ABLIM3: variants seen among roughly 807,000 people sequenced by gnomAD.
The protein encoded by ABLIM3 is actin-binding LIM protein 3.
A neutral mutation model predicts 109.5 loss-of-function variants in ABLIM3; 61 were observed. The ratio of observed to expected loss-of-function variants is 0.56; its 90% CI spans 0.45 to 0.69. The LOEUF is 0.69. ABLIM3 is among the 30% of genes least tolerant of loss of function. The pLI, the probability that ABLIM3 is intolerant of heterozygous loss-of-function variation, is 0.00. For missense variants in ABLIM3, 796 were observed against 889.5 expected (o/e 0.89, Z 1.34); for synonymous variants, 300 against 324.8 (o/e 0.92, Z 0.82).
At position 149,154,881 on chromosome 5, in the gene ABLIM3, G is replaced by A. The variant is rs148390084; in HGVS notation, c.13+12773G>A. On this transcript the variant is annotated intron_variant, in intron 2 of 23. Transcript: ENST00000309868. ...TGGACACATGAATGAGCCCACTTACGCTTCACAAGAGTCCTAGAAAGAGGA... is the reference window on the plus strand; with the variant it reads ...TGGACACATGAATGAGCCCACTTACACTTCACAAGAGTCCTAGAAAGAGGA... 3.3e-5 allele frequency among the ~76,000 whole-genome samples: 5 copies of A among 152,214 alleles called. 1 individual carries two copies. Among genetic ancestry groups the A allele is most frequent in the African/African-American group, 1.2e-4 (5 of 41,542 alleles).
At chr5:149,147,990 A>C (rs1753082935) in intron 2 of ABLIM3, among the ~76,000 whole-genome samples, 1 of 152,154 alleles carries the variant, frequency 6.6e-6, no homozygotes, top group Admixed American at 6.5e-5. Flanking sequence ...TGACACTAGC[A>C]AGCAGGTCAC....
At chr5:149,233,157 C>G in intron 9 of ABLIM3, 72 bp from the exon 10 acceptor site, 1 of 1,329,236 alleles carries the variant, frequency 7.5e-7, no homozygotes. Context: ...GCATTCTTAA[C>G]CCCCTGTCTC....
intron 8 of ABLIM3, among the ~76,000 whole-genome samples, chr5:149,221,177 A>G (rs988959455): frequency 3.3e-5 from 5 of 152,200 alleles, no homozygotes; most frequent in Non-Finnish European, 5.9e-5. Context: ...GAGAACAGTG[A>G]GTGCAAAGGC....
Position 149,246,694 on chromosome 5 carries a change from T to C in ABLIM3, c.1551+148T>C, listed in dbSNP as rs1753394809. 2.6e-5 allele frequency: 22 copies of C among 847,450 alleles called. No homozygotes were observed. The South Asian group carries it at 4.6e-4, about 18-fold the overall frequency. The allele number at this position is 847,450 out of a possible 1,614,324, so 52.5% of individuals were successfully genotyped here. A position where few individuals can be genotyped will look rare whatever the true frequency, so the allele number is the denominator to read the frequency against. On this transcript the variant is annotated intron_variant, in intron 17 of 23. Coordinates refer to ENST00000309868, the MANE Select transcript of ABLIM3 (RefSeq NM_014945.5). ...TTTGCATAACTGAAAAATCAAATGGTGGAATTAGCTTAAAGTATGACTAGA... is the reference window on the plus strand; with the variant it reads ...TTTGCATAACTGAAAAATCAAATGGCGGAATTAGCTTAAAGTATGACTAGA...
chr5:149,150,627 T>C (rs548866758), intron 2 of ABLIM3, among the ~76,000 whole-genome samples: 3 of 152,348 alleles, frequency 2.0e-5, no homozygotes, highest in East Asian at 1.9e-4. Flanking sequence ...CTTGCTGAGA[T>C]AGCATCTGCT....
rs571071141 is a variant in ABLIM3 at position 149,180,796 on chromosome 5, C to T, written c.14-2656C>T. Among the ~76,000 whole-genome samples, 3 of 152,320 alleles carry T rather than the reference C, an allele frequency of 2.0e-5. No individual in the cohort carries two copies. In the South Asian group the frequency reaches 6.2e-4, roughly 32 times the overall value. On this transcript the variant is annotated intron_variant, in intron 2 of 23. Coordinates refer to ENST00000309868, the MANE Select transcript of ABLIM3 (RefSeq NM_014945.5). Reference sequence around the variant, plus strand: ...ATGCAGCAGGGTTAGGGCTGGGGTCCCATCACTACTGCAGCCCCAGAAAAT... The same window carrying T: ...ATGCAGCAGGGTTAGGGCTGGGGTCTCATCACTACTGCAGCCCCAGAAAAT...
intron 7 of ABLIM3, among the ~76,000 whole-genome samples, chr5:149,211,915 A>G (rs1313789964): frequency 6.6e-6 from 1 of 151,648 alleles, no homozygotes; most frequent in East Asian, 2.0e-4. Flanking sequence ...CAACACAAGC[A>G]CTCATGGTAA....
chr5:149,171,444 T>C (rs919042554), intron 2 of ABLIM3, among the ~76,000 whole-genome samples: 1 of 152,176 alleles, frequency 6.6e-6, no homozygotes, highest in Non-Finnish European at 1.5e-5. Context: ...ATTTTATAGA[T>C]GGAGAAACTA....
chr5:149,184,746 G>T (rs934531325), intron 3 of ABLIM3, among the ~76,000 whole-genome samples: 1 of 152,116 alleles, frequency 6.6e-6, no homozygotes, highest in Non-Finnish European at 1.5e-5. Flanking sequence ...TGAAACCCGC[G>T]GTTCTTTTTA....
chr5:149,258,071 A>T (rs1166619563), intron 23 of ABLIM3, among the ~76,000 whole-genome samples: 3 of 152,202 alleles, frequency 2.0e-5, no homozygotes, highest in Non-Finnish European at 2.9e-5. Context: ...TCTTCAGCCA[A>T]ATCAGCTCCA....
intron 14 of ABLIM3, among the ~76,000 whole-genome samples, chr5:149,241,959 T>A (rs1271065510): frequency 6.6e-6 from 1 of 152,188 alleles, no homozygotes; most frequent in African/African-American, 2.4e-5. Context: ...AACCTCAGTC[T>A]CCTGACACCA....
intron 2 of ABLIM3, among the ~76,000 whole-genome samples, chr5:149,169,669 G>T (rs973745912): frequency 1.1e-4 from 17 of 152,178 alleles, no homozygotes; most frequent in African/African-American, 4.1e-4. Flanking sequence ...GTTCACAGAA[G>T]AAGGAGTGGC....
At position 149,255,317 on chromosome 5, in the gene ABLIM3, G is replaced by T. The variant is rs749312821; in HGVS notation, c.1938+2480G>T. ...TATGTCTGCAGAAGCATCTGGGTAC[G>T]GTTCGAGGTGCTTGCAATATATCAA... is the stretch of plus-strand genomic sequence containing the variant. On this transcript the variant is annotated intron_variant, in intron 23 of 23. Transcript: ENST00000309868. Among the ~76,000 whole-genome samples, 17 of 152,286 alleles carry T rather than the reference G, an allele frequency of 1.1e-4. 1 individual carries two copies. The South Asian group carries it at 3.3e-3, about 30-fold the overall frequency.
At chr5:149,179,755 T>C (rs1756298466) in intron 2 of ABLIM3, among the ~76,000 whole-genome samples, 1 of 152,154 alleles carries the variant, frequency 6.6e-6, no homozygotes, top group Non-Finnish European at 1.5e-5. Context: ...TAATCACATG[T>C]GACTATTTAG....
intron 8 of ABLIM3, among the ~76,000 whole-genome samples, chr5:149,222,926 A>T (rs2918273): frequency 0.013 from 2,036 of 152,164 alleles, 22 homozygotes; most frequent in Middle Eastern, 0.027. Context: ...TTTAAATTGG[A>T]TCTCTCTACT....
intron 3 of ABLIM3, among the ~76,000 whole-genome samples, chr5:149,187,740 A>T (rs1024428442): frequency 6.6e-6 from 1 of 152,090 alleles, no homozygotes; most frequent in Non-Finnish European, 1.5e-5. Context: ...ACCCTGACTC[A>T]TTCTGATCAC....
chr5:149,165,049 T>G (rs1039889579), intron 2 of ABLIM3, among the ~76,000 whole-genome samples: 8 of 152,240 alleles, frequency 5.3e-5, no homozygotes, highest in Admixed American at 4.6e-4. Flanking sequence ...ACATAGTTTC[T>G]GAACATAGCT....
intron 5 of ABLIM3, among the ~76,000 whole-genome samples, chr5:149,203,529 A>T (rs926515933): frequency 1.3e-5 from 2 of 152,014 alleles, no homozygotes; most frequent in African/African-American, 4.8e-5. Flanking sequence ...CTCCAACACG[A>T]TCACTACCAT....
intron 2 of ABLIM3, among the ~76,000 whole-genome samples, chr5:149,142,576 A>G (rs374634933): frequency 2.0e-5 from 3 of 152,156 alleles, no homozygotes; most frequent in Admixed American, 1.3e-4. Flanking sequence ...ATAAACAAAT[A>G]ATCGCCAAGC....
Sources: gnomAD v4.1 joint callset for allele counts (sites outside exome capture counted in the v4.1 genomes callset) on GRCh38, gnomAD v4.1.1 for gene constraint, MANE v1.5 for transcripts, NCBI Gene and HGNC (gene_info 2026-07-23, HGNC 2026-07-21) for gene names.